Variants in DSCAM observed in about 807,000 individuals in gnomAD.
The protein encoded by DSCAM is cell adhesion molecule DSCAM.
In DSCAM, 47 loss-of-function variants were observed where a neutral mutation model predicts 217.7. The observed-to-expected ratio is 0.22, with a 90% confidence interval of 0.17 to 0.28. DSCAM has a LOEUF of 0.28. Ranked by LOEUF, DSCAM falls within the 10% of genes least tolerant of loss-of-function variation. The pLI is 1.00. For synonymous variants in DSCAM, 1,056 were observed against 1,015.3 expected (o/e 1.04, Z -0.76); for missense variants, 2,080 against 2,618.3 (o/e 0.79, Z 4.49).
At chr21:40,624,423 G>GA (rs751601987) in intron 3 of DSCAM, among the ~76,000 whole-genome samples, 3 of 152,034 alleles carry the variant, frequency 2.0e-5, no homozygotes, top group Non-Finnish European at 4.4e-5. Flanking sequence ...AGATCGGATT[G>GA]AAAAAAGAGT....
chr21:40,604,190 ATTCT>A (rs1391414705), intron 3 of DSCAM, among the ~76,000 whole-genome samples: 3 of 151,016 alleles, frequency 2.0e-5, no homozygotes, highest in Non-Finnish European at 3.0e-5. Flanking sequence ...AAGCTCATTG[ATTCT>A]TTCTTGTTTA....
intron 2 of DSCAM, among the ~76,000 whole-genome samples, chr21:40,693,575 G>A (rs2146451782): frequency 6.6e-6 from 1 of 151,626 alleles, no homozygotes; most frequent in East Asian, 1.9e-4. Flanking sequence ...AGTCCTCTAA[G>A]GGCCGAGGAA....
At chr21:40,558,091 A>C (rs1303680171) in intron 3 of DSCAM, among the ~76,000 whole-genome samples, 1 of 152,186 alleles carries the variant, frequency 6.6e-6, no homozygotes, top group Non-Finnish European at 1.5e-5. Flanking sequence ...ATCATCGGTA[A>C]ATTAGTTTCC....
At chr21:40,796,266 G>A (rs948117382) in intron 1 of DSCAM, among the ~76,000 whole-genome samples, 4 of 152,156 alleles carry the variant, frequency 2.6e-5, no homozygotes, top group Admixed American at 6.5e-5. Context: ...ACATGACATC[G>A]GCAAATCCGA....
intron 1 of DSCAM, among the ~76,000 whole-genome samples, chr21:40,781,606 G>A (rs2091544926): frequency 6.6e-6 from 1 of 152,062 alleles, no homozygotes; most frequent in Non-Finnish European, 1.5e-5. Flanking sequence ...GAGTATGCCT[G>A]GATTTTGGTA....
In DSCAM at chr21:40,101,788, G is replaced by A. The variant is rs534775688; in HGVS notation, c.3697-7914C>T. Among the ~76,000 whole-genome samples, 15 of 151,480 alleles carry A rather than the reference G, an allele frequency of 9.9e-5. No individual in the cohort carries two copies. The South Asian group carries it at 2.7e-3, about 28-fold the overall frequency. ...ATGGTTTTTACTGTGGGAGGTGGTG[G>A]GGGGGGGTCCAGGCAGACACTGCTG... is the stretch of plus-strand genomic sequence containing the variant. On this transcript the variant is annotated intron_variant, in intron 20 of 32. Transcript: ENST00000400454.
At chr21:40,780,423 G>GTATATA (rs71186965) in intron 1 of DSCAM, among the ~76,000 whole-genome samples, 54 of 56,432 alleles carry the variant, frequency 9.6e-4, no homozygotes, top group Admixed American at 4.9e-3. Flanking sequence ...GTGTGTGTGT[G>GTATATA]TATATATATA....
intron 16 of DSCAM, among the ~76,000 whole-genome samples, chr21:40,155,107 G>T (rs1485208680): frequency 6.6e-6 from 1 of 152,134 alleles, no homozygotes. Flanking sequence ...CTCTTTTTGG[G>T]ACACTCCCTT....
At chr21:40,081,746 A>T (rs1451838246) in intron 24 of DSCAM, among the ~76,000 whole-genome samples, 1 of 152,176 alleles carries the variant, frequency 6.6e-6, no homozygotes, top group Non-Finnish European at 1.5e-5. Context: ...CAGTGCCATC[A>T]GTGTCCATCA....
chr21:40,059,665 A>G (rs1426981536), intron 28 of DSCAM, among the ~76,000 whole-genome samples: 1 of 152,272 alleles, frequency 6.6e-6, no homozygotes, highest in Non-Finnish European at 1.5e-5. Flanking sequence ...ATGTGGAGTG[A>G]TAAAGCTAGA....
chr21:40,296,242 GA>G, intron 9 of DSCAM, 68 bp from the exon 10 acceptor site: 1 of 1,524,272 alleles, frequency 6.6e-7, no homozygotes, highest in Non-Finnish European at 9.0e-7. Flanking sequence ...ATGATTCTAA[GA>G]AACTGAATCA....
intron 11 of DSCAM, among the ~76,000 whole-genome samples, chr21:40,274,510 A>C (rs908574974): frequency 9.2e-5 from 14 of 152,210 alleles, no homozygotes; most frequent in African/African-American, 3.4e-4. Flanking sequence ...AAATTGTCTT[A>C]TGCATTTAAA....
At chr21:40,470,325 A>G (rs2837646) in intron 3 of DSCAM, among the ~76,000 whole-genome samples, 11,524 of 152,276 alleles carry the variant, frequency 0.076, 847 homozygotes, top group African/African-American at 0.18. Context: ...ACAATATTAA[A>G]GAACCTTGGA....
chr21:40,257,349 T>C (rs59680580), intron 11 of DSCAM, among the ~76,000 whole-genome samples: 13,216 of 152,126 alleles, frequency 0.087, 1,355 homozygotes, highest in African/African-American at 0.22. Context: ...TGTGTTATAT[T>C]TGTATTTATG....
chr21:40,611,574 T>C (rs2089316131), intron 3 of DSCAM, among the ~76,000 whole-genome samples: 1 of 152,200 alleles, frequency 6.6e-6, no homozygotes, highest in Admixed American at 6.5e-5. Context: ...CCCTACTGGA[T>C]GGTGCAGATC....
chr21:40,536,595 A>G (rs1258807050), intron 3 of DSCAM, among the ~76,000 whole-genome samples: 9 of 151,996 alleles, frequency 5.9e-5, no homozygotes, highest in East Asian at 5.8e-4. Context: ...TTTAGTAGAG[A>G]CAGGGTTTCA....
chr21:40,663,114 TGA>T (rs1325898074), intron 3 of DSCAM, among the ~76,000 whole-genome samples: 4 of 145,742 alleles, frequency 2.7e-5, no homozygotes, highest in Non-Finnish European at 6.0e-5. Flanking sequence ...TGTGTATGTG[TGA>T]GTGTATGTCA....
chr21:40,808,678 G>A (rs1183181089), intron 1 of DSCAM, among the ~76,000 whole-genome samples: 1 of 151,922 alleles, frequency 6.6e-6, no homozygotes, highest in Non-Finnish European at 1.5e-5. Flanking sequence ...ATTTCACCAT[G>A]CTGCTCAGGC....
Position 40,421,557 on chromosome 21 carries a change from C to A in DSCAM, c.509-52312G>T, listed in dbSNP as rs962886286. 7.9e-5 allele frequency among the ~76,000 whole-genome samples: 12 copies of A among 152,164 alleles called. No individual in the cohort carries two copies. The East Asian group carries it at 1.7e-3, about 22-fold the overall frequency. On this transcript the variant is annotated intron_variant, in intron 3 of 32. Coordinates refer to ENST00000400454, the MANE Select transcript of DSCAM (RefSeq NM_001389.5). The stretch of plus-strand genomic sequence containing the variant: ...CATGTGCTCTCATAGGAGCTGCCAG[C>A]GCTGTGTGTTTTGAGGTGTATGTTG...
Sources: gnomAD v4.1 joint callset for allele counts (sites outside exome capture counted in the v4.1 genomes callset) on GRCh38, gnomAD v4.1.1 for gene constraint, MANE v1.5 for transcripts, NCBI Gene and HGNC (gene_info 2026-07-23, HGNC 2026-07-21) for gene names.